SMARCAD1: variants seen among roughly 807,000 people sequenced by gnomAD.
SMARCAD1 encodes the protein SWI/SNF-related matrix-associated actin-dependent regulator of chromatin subfamily A containing DEAD/H box 1.
A neutral mutation model predicts 127.1 loss-of-function variants in SMARCAD1; 25 were observed. That is an observed-to-expected ratio of 0.20 (90% CI 0.14 to 0.27). The LOEUF (loss-of-function observed/expected upper bound fraction) is 0.27. SMARCAD1 is among the 10% of genes least tolerant of loss of function. SMARCAD1 has a pLI of 1.00. For synonymous variants in SMARCAD1, 400 were observed against 396.9 expected, an observed-to-expected ratio of 1.01 and a Z score of -0.09; for missense variants, 807 against 1,206.0, an observed-to-expected ratio of 0.67 and a Z score of 4.90.
At chr4:94,255,718 C>T (rs1749972898) in intron 9 of SMARCAD1, among the ~76,000 whole-genome samples, 1 of 147,704 alleles carries the variant, frequency 6.8e-6, no homozygotes, top group Non-Finnish European at 1.5e-5. Context: ...TTTTAGTCAC[C>T]CTCATTTTAC....
chr4:94,235,498 A>G (rs1327171725), intron 4 of SMARCAD1, among the ~76,000 whole-genome samples: 4 of 138,506 alleles, frequency 2.9e-5, no homozygotes, highest in East Asian at 2.0e-4. Flanking sequence ...TTTTTAATCT[A>G]TGTTATTTTT....
At chr4:94,245,844 A>G (rs1357437826) in intron 6 of SMARCAD1, among the ~76,000 whole-genome samples, 1 of 152,202 alleles carries the variant, frequency 6.6e-6, no homozygotes, top group East Asian at 1.9e-4. Flanking sequence ...ACAATTTTGC[A>G]TAATGCAGTA....
intron 20 of SMARCAD1, 105 bp downstream of exon 20, chr4:94,280,885 C>G: frequency 2.8e-6 from 3 of 1,069,856 alleles, no homozygotes; most frequent in Non-Finnish European, 4.2e-6. Flanking sequence ...GTCTGTTCTG[C>G]ATTCTTCCAG....
chr4:94,241,496 G>A (rs1747568787), intron 6 of SMARCAD1, among the ~76,000 whole-genome samples: 1 of 152,100 alleles, frequency 6.6e-6, no homozygotes, highest in African/African-American at 2.4e-5. Context: ...TGATGACCCT[G>A]TCTCCAATAA....
intron 2 of SMARCAD1, chr4:94,213,011 T>A (rs1024222446): frequency 8.6e-7 from 1 of 1,163,830 alleles, no homozygotes; most frequent in East Asian, 5.7e-5. Context: ...TTCTCCTTTT[T>A]TTCTTTGACT....
At chr4:94,261,825 G>C (rs1354748652) in intron 9 of SMARCAD1, among the ~76,000 whole-genome samples, 1 of 152,158 alleles carries the variant, frequency 6.6e-6, no homozygotes, top group Non-Finnish European at 1.5e-5. Context: ...GCCCAGGCGG[G>C]TCTTGAAATC....
Position 94,291,132 on chromosome 4 carries a change from G to T in SMARCAD1, c.*1598G>T, listed in dbSNP as rs1395931708. The T allele has an allele frequency of 4.4e-6, 2 of 450,890 alleles. No homozygotes were observed. Among genetic ancestry groups the T allele is most frequent in the African/African-American group, 4.0e-5 (2 of 49,630 alleles). 27.9% of individuals were successfully genotyped at this position (450,890 alleles called of 1,614,324 possible). A position where few individuals can be genotyped will look rare whatever the true frequency, so the allele number is the denominator to read the frequency against. On this transcript the variant is annotated 3_prime_UTR_variant, in exon 24 of 24. Coordinates refer to ENST00000354268, the MANE Select transcript of SMARCAD1 (RefSeq NM_020159.5). ...TAAAATCTCATAATGGATATCTCAT[G>T]TTTTCTGTATTAATGTATTTTCAAT...
At chr4:94,276,572 T>C in intron 15 of SMARCAD1, 98 bp downstream of exon 15, 1 of 1,433,984 alleles carries the variant, frequency 7.0e-7, no homozygotes, top group East Asian at 2.5e-5. Flanking sequence ...TATTATGTAG[T>C]TTAATATATG....
chr4:94,249,536 G>T, intron 6 of SMARCAD1, 118 bp from the exon 7 acceptor site: 1 of 674,876 alleles, frequency 1.5e-6, no homozygotes, highest in East Asian at 2.6e-5. Flanking sequence ...AAACAGTTTG[G>T]ATTCTTCTGA....
intron 23 of SMARCAD1, among the ~76,000 whole-genome samples, chr4:94,285,979 T>C (rs1369467064): frequency 3.3e-5 from 5 of 152,236 alleles, no homozygotes; most frequent in African/African-American, 9.6e-5. Flanking sequence ...TTTTAGAATT[T>C]AGTAAAGCAT....
At chr4:94,256,715 A>G (rs910397553) in intron 9 of SMARCAD1, among the ~76,000 whole-genome samples, 4 of 152,188 alleles carry the variant, frequency 2.6e-5, no homozygotes, top group Non-Finnish European at 4.4e-5. Flanking sequence ...TAAATTGGCC[A>G]CTTAAAGCAT....
At chr4:94,283,073 A>G (rs1475116027) in intron 21 of SMARCAD1, 48 bp from the exon 22 acceptor site, 3 of 1,487,364 alleles carry the variant, frequency 2.0e-6, no homozygotes, top group Admixed American at 1.8e-5. Context: ...TTTTAATTAC[A>G]TTATACAACT....
At chr4:94,257,370 C>T (rs1750263782) in intron 9 of SMARCAD1, among the ~76,000 whole-genome samples, 2 of 152,086 alleles carry the variant, frequency 1.3e-5, no homozygotes, top group African/African-American at 4.8e-5. Flanking sequence ...TACTTCATAC[C>T]ATGTAAGCAG....
At position 94,281,477 on chromosome 4, in the gene SMARCAD1, T is replaced by TA; in HGVS notation, c.2614dup (p.Arg872LysfsTer6). 1 of 1,601,196 alleles carries TA rather than the reference T, an allele frequency of 6.2e-7. No individual in the cohort carries two copies. Among genetic ancestry groups the TA allele is most frequent in the Non-Finnish European group, 8.6e-7 (1 of 1,168,456 alleles). On this transcript the variant is annotated frameshift_variant, in exon 21 of 24. Coordinates refer to ENST00000354268, the MANE Select transcript of SMARCAD1 (RefSeq NM_020159.5). LOFTEE classifies it high-confidence loss of function. Reference sequence around the variant, plus strand: ...TCATGTATGTATTTTCACAGGGTGATAGAGTTGTGTTATTTAGCCAATTTA... The same window carrying TA: ...TCATGTATGTATTTTCACAGGGTGATAAGAGTTGTGTTATTTAGCCAATTTA...
At chr4:94,281,445 T>C (rs1430483559) in intron 20 of SMARCAD1, 27 bp from the exon 21 acceptor site, 1 of 1,482,632 alleles carries the variant, frequency 6.7e-7, no homozygotes, top group Admixed American at 1.7e-5. Flanking sequence ...TTTTTTCTAT[T>C]TCTAATTCAT....
At chr4:94,243,753 G>GT (rs2125892048) in intron 6 of SMARCAD1, among the ~76,000 whole-genome samples, 1 of 152,216 alleles carries the variant, frequency 6.6e-6, no homozygotes, top group East Asian at 1.9e-4. Flanking sequence ...AGTATCCACT[G>GT]GCTGCCTCTT....
chr4:94,257,811 A>G (rs944566830), intron 9 of SMARCAD1, among the ~76,000 whole-genome samples: 2 of 152,078 alleles, frequency 1.3e-5, no homozygotes, highest in African/African-American at 4.8e-5. Context: ...GTTATAATGC[A>G]CTTTTTGTCA....
At position 94,278,721 on chromosome 4, in the gene SMARCAD1, A is replaced by G. The variant is rs371198232; in HGVS notation, c.2284A>G (p.Ile762Val). 41 of 1,613,682 alleles carry G rather than the reference A, an allele frequency of 2.5e-5. No homozygotes were observed. Among genetic ancestry groups the G allele is most frequent in the Admixed American group, 5.0e-5 (3 of 60,000 alleles). ...LGLFNRLKKS[I>V]NNLEKNTEMC... The stretch of plus-strand genomic sequence containing the variant: ...TCTTTTCAACAGATTGAAAAAATCT[A>G]TCAATAACTTGGGTATAATCTGATT... Residue 762 changes from isoleucine to valine, a missense_variant, in exon 18 of 24, where the codon ATC becomes GTC. By Grantham distance (29) the Ile-to-Val change is conservative. This residue lies in a region of SMARCAD1 where 99 missense variants were observed against 126.0 expected (regional missense o/e 0.79). Coordinates refer to ENST00000354268, the MANE Select transcript of SMARCAD1 (RefSeq NM_020159.5).
chr4:94,282,704 T>G (rs937986778), intron 21 of SMARCAD1, among the ~76,000 whole-genome samples: 1 of 151,982 alleles, frequency 6.6e-6, no homozygotes, highest in East Asian at 1.9e-4. Context: ...AAGTAATGTT[T>G]TTTTTTTTTA....
Sources: gnomAD v4.1 joint callset for allele counts (sites outside exome capture counted in the v4.1 genomes callset) on GRCh38, gnomAD v4.1.1 for gene constraint, gnomAD v4.1.1 regional missense constraint, MANE v1.5 for transcripts, NCBI Gene and HGNC (gene_info 2026-07-23, HGNC 2026-07-21) for gene names.